Variants in BMERB1 observed in about 807,000 individuals in gnomAD.
BMERB1 encodes the protein bMERB domain containing 1, also known as bMERB domain-containing protein 1.
Under a neutral mutation model 23.6 loss-of-function variants are expected in BMERB1, and 12 were observed. The observed-to-expected ratio is 0.51, with a 90% confidence interval of 0.33 to 0.82. The LOEUF is 0.82. Among genes scored for constraint, BMERB1 ranks in the 40% least tolerant of loss-of-function variants. BMERB1 has a pLI of 0.03. For missense variants in BMERB1, 247 were observed against 255.4 expected, an observed-to-expected ratio of 0.97 and a Z score of 0.22; for synonymous variants, 122 against 96.6, an observed-to-expected ratio of 1.26 and a Z score of -1.54.
At chr16:15,467,155 C>T (rs1437904628) in intron 1 of BMERB1, among the ~76,000 whole-genome samples, 1 of 152,142 alleles carries the variant, frequency 6.6e-6, no homozygotes, top group African/African-American at 2.4e-5. Flanking sequence ...TATGAATACT[C>T]TTATGCAAAT....
chr16:15,523,584 T>G (rs1030362544), intron 2 of BMERB1, among the ~76,000 whole-genome samples: 1 of 152,128 alleles, frequency 6.6e-6, no homozygotes, highest in African/African-American at 2.4e-5. Flanking sequence ...CTGTGGGGTC[T>G]CTCAACTAGC....
At chr16:15,496,096 ATGG>A (rs962174900) in intron 1 of BMERB1, among the ~76,000 whole-genome samples, 3 of 144,742 alleles carry the variant, frequency 2.1e-5, no homozygotes, top group South Asian at 2.1e-4. Flanking sequence ...GGTGATGGTG[ATGG>A]TGGGGATAGT....
In BMERB1 at chr16:15,587,785, G is replaced by A; in HGVS notation, c.*956G>A. The A allele has an allele frequency of 3.6e-6, 1 of 274,896 alleles. No homozygotes were observed. The highest frequency in any genetic ancestry group is 4.7e-5 in the Admixed American group (1 of 21,080). 17.0% of individuals were successfully genotyped at this position (274,896 alleles called of 1,614,324 possible). On this transcript the variant is annotated 3_prime_UTR_variant, in exon 6 of 6. Coordinates refer to ENST00000300006, the MANE Select transcript of BMERB1 (RefSeq NM_033201.3). The stretch of plus-strand genomic sequence containing the variant: ...ATTGGGTGGCATATGTTAACTAGCT[G>A]CCAAACAACTTCAACCCGTGTAATT...
At chr16:15,528,046 A>G (rs1161211234) in intron 2 of BMERB1, among the ~76,000 whole-genome samples, 1 of 152,084 alleles carries the variant, frequency 6.6e-6, no homozygotes, top group Non-Finnish European at 1.5e-5. Context: ...TTTTCTCACC[A>G]TGTGAATCTG....
At chr16:15,491,143 C>G (rs1832421712) in intron 1 of BMERB1, among the ~76,000 whole-genome samples, 1 of 152,248 alleles carries the variant, frequency 6.6e-6, no homozygotes. Flanking sequence ...AGCCACCACG[C>G]CCAGTCCAGT....
chr16:15,530,078 T>C (rs1044280396), intron 2 of BMERB1, among the ~76,000 whole-genome samples: 3 of 152,146 alleles, frequency 2.0e-5, no homozygotes, highest in Non-Finnish European at 2.9e-5. Flanking sequence ...GTTTCCCTCC[T>C]CCATCTCCGA....
chr16:15,531,655 T>A (rs1160875222), intron 2 of BMERB1, among the ~76,000 whole-genome samples: 2 of 152,036 alleles, frequency 1.3e-5, no homozygotes, highest in African/African-American at 4.8e-5. Flanking sequence ...TTTTGAAATC[T>A]CCCAAAAAAG....
chr16:15,529,019 T>G (rs1163250602), intron 2 of BMERB1, among the ~76,000 whole-genome samples: 2 of 150,106 alleles, frequency 1.3e-5, no homozygotes, highest in Non-Finnish European at 2.9e-5. Context: ...AAATAAGTGT[T>G]TGTTTGTTTG....
chr16:15,484,888 C>T (rs2051354703), intron 1 of BMERB1, among the ~76,000 whole-genome samples: 1 of 152,204 alleles, frequency 6.6e-6, no homozygotes, highest in African/African-American at 2.4e-5. Flanking sequence ...ACAGTAGTCA[C>T]TGTACTTCAA....
chr16:15,583,742 G>A (rs2031074182), intron 5 of BMERB1, among the ~76,000 whole-genome samples: 1 of 152,088 alleles, frequency 6.6e-6, no homozygotes, highest in African/African-American at 2.4e-5. Flanking sequence ...GGGGCCTCAT[G>A]CCTGACCAGC....
At chr16:15,584,867 C>T (rs769051764) in intron 5 of BMERB1, among the ~76,000 whole-genome samples, 4 of 152,170 alleles carry the variant, frequency 2.6e-5, no homozygotes, top group Non-Finnish European at 5.9e-5. Flanking sequence ...ATATTCTCAC[C>T]CGCCCTTCTG....
chr16:15,536,955 A>G (rs574841274), intron 2 of BMERB1: 3 of 152,086 alleles, frequency 2.0e-5, no homozygotes, highest in African/African-American at 7.2e-5. Context: ...AATCTGCCCT[A>G]TGTTAGTTTG....
chr16:15,486,936 G>C (rs1227712867), intron 1 of BMERB1, among the ~76,000 whole-genome samples: 1 of 152,114 alleles, frequency 6.6e-6, no homozygotes, highest in Non-Finnish European at 1.5e-5. Flanking sequence ...ATGTGTTAAT[G>C]TAAGTAAAAT....
chr16:15,530,339 C>G (rs765549030), intron 2 of BMERB1, among the ~76,000 whole-genome samples: 2 of 152,196 alleles, frequency 1.3e-5, no homozygotes, highest in African/African-American at 2.4e-5. Context: ...GAGGGCCCAC[C>G]TGGATAACCC....
At chr16:15,484,365 T>G (rs1236999525) in intron 1 of BMERB1, among the ~76,000 whole-genome samples, 2 of 152,036 alleles carry the variant, frequency 1.3e-5, no homozygotes, top group Admixed American at 6.6e-5. Context: ...TTGTGAAATC[T>G]CTGATATCTG....
intron 2 of BMERB1, among the ~76,000 whole-genome samples, chr16:15,554,346 G>C (rs2030183751): frequency 6.6e-6 from 1 of 152,158 alleles, no homozygotes; most frequent in Non-Finnish European, 1.5e-5. Context: ...ACCTCATAGA[G>C]TTGCTGCAAG....
intron 2 of BMERB1, among the ~76,000 whole-genome samples, chr16:15,547,015 T>C (rs1175403747): frequency 1.6e-5 from 1 of 62,914 alleles, no homozygotes; most frequent in Non-Finnish European, 2.5e-5. Context: ...TCTTTTAGCT[T>C]TTTTTTTTTT....
At chr16:15,512,938 A>G (rs1025768365) in intron 1 of BMERB1, among the ~76,000 whole-genome samples, 1 of 151,966 alleles carries the variant, frequency 6.6e-6, no homozygotes, top group Admixed American at 6.6e-5. Flanking sequence ...GGTATAAGGT[A>G]TACCAACTTT....
At chr16:15,531,216 T>C (rs987184151) in intron 2 of BMERB1, among the ~76,000 whole-genome samples, 4 of 152,176 alleles carry the variant, frequency 2.6e-5, no homozygotes, top group Non-Finnish European at 4.4e-5. Context: ...CTTAAACCTC[T>C]TTTCTTTACA....
Sources: allele counts gnomAD v4.1 joint callset (sites outside exome capture counted in the v4.1 genomes callset), GRCh38; gene constraint gnomAD v4.1.1; transcripts MANE v1.5; gene names NCBI Gene and HGNC (gene_info 2026-07-23, HGNC 2026-07-21).